EPC2: variants seen among roughly 807,000 people sequenced by gnomAD.
EPC2 encodes enhancer of polycomb homolog 2.
Under a neutral mutation model 92.1 loss-of-function variants are expected in EPC2, and 14 were observed. The ratio of observed to expected loss-of-function variants is 0.15; its 90% CI spans 0.10 to 0.24. EPC2 has a LOEUF of 0.24. EPC2 is among the 10% of genes least tolerant of loss of function. The pLI is 1.00. For missense variants in EPC2, 755 were observed against 971.5 expected, an observed-to-expected ratio of 0.78 and a Z score of 2.96; for synonymous variants, 340 against 334.7, an observed-to-expected ratio of 1.02 and a Z score of -0.17.
chr2:148,672,076 T>C (rs1681165525), intron 1 of EPC2, among the ~76,000 whole-genome samples: 1 of 152,180 alleles, frequency 6.6e-6, no homozygotes, highest in African/African-American at 2.4e-5. Context: ...AGCCATCTGG[T>C]CCTAGGCTTT....
chr2:148,653,570 A>G (rs1278583285), intron 1 of EPC2, among the ~76,000 whole-genome samples: 1 of 152,182 alleles, frequency 6.6e-6, no homozygotes, highest in Non-Finnish European at 1.5e-5. Flanking sequence ...CAGCAGTTTC[A>G]TTGTATCTGT....
chr2:148,762,376 C>T (rs955536580), intron 5 of EPC2, among the ~76,000 whole-genome samples: 21 of 151,920 alleles, frequency 1.4e-4, no homozygotes, highest in African/African-American at 4.6e-4. Flanking sequence ...TAAACAAAAA[C>T]AGAATTTTGT....
chr2:148,695,620 A>G (rs768855116), intron 2 of EPC2, among the ~76,000 whole-genome samples: 6 of 152,236 alleles, frequency 3.9e-5, no homozygotes, highest in Non-Finnish European at 8.8e-5. Context: ...GCAAAAAATG[A>G]TAATTGACCT....
chr2:148,768,872 A>G (rs563251159), intron 7 of EPC2, among the ~76,000 whole-genome samples: 182 of 152,338 alleles, frequency 1.2e-3, no homozygotes, highest in Non-Finnish European at 2.2e-3. Context: ...GATGTATAAA[A>G]ACTGTATTAA....
At chr2:148,699,856 G>C (rs536212337) in intron 2 of EPC2, among the ~76,000 whole-genome samples, 2 of 152,300 alleles carry the variant, frequency 1.3e-5, no homozygotes, top group East Asian at 3.9e-4. Context: ...GACAGTGAAT[G>C]AAAGTTTCTA....
intron 2 of EPC2, among the ~76,000 whole-genome samples, chr2:148,732,680 C>T (rs1469769631): frequency 1.3e-5 from 2 of 152,042 alleles, no homozygotes; most frequent in Non-Finnish European, 2.9e-5. Context: ...TGTGCCCGGC[C>T]ATTTTTGTCT....
At chr2:148,709,861 GACTTAAATGTTA>G (rs1405539954) in intron 2 of EPC2, among the ~76,000 whole-genome samples, 1 of 152,264 alleles carries the variant, frequency 6.6e-6, no homozygotes, top group East Asian at 1.9e-4. Flanking sequence ...ATGGATTAAA[GACTTAAATGTTA>G]GACCTAAAAC....
At chr2:148,675,185 G>A (rs1172273886) in intron 1 of EPC2, among the ~76,000 whole-genome samples, 4 of 151,970 alleles carry the variant, frequency 2.6e-5, no homozygotes, top group Non-Finnish European at 5.9e-5. Context: ...TCTAATAATT[G>A]TAGTCTTTAT....
chr2:148,703,586 T>C (rs543922283), intron 2 of EPC2, among the ~76,000 whole-genome samples: 1 of 152,258 alleles, frequency 6.6e-6, no homozygotes, highest in Non-Finnish European at 1.5e-5. Flanking sequence ...TGGAGTACAG[T>C]GGTGTGATCA....
chr2:148,690,463 T>C lies in EPC2; in HGVS notation c.313+90T>C, dbSNP rs1277323892. On this transcript the variant is annotated intron_variant, in intron 2 of 13. Transcript: ENST00000258484. ...CTTTTGTCTAAAGAAATTCTGATTT[T>C]TTAATTCATACACACTGATTAATAG... 3 of 1,235,526 alleles carry C rather than the reference T, an allele frequency of 2.4e-6. No individual in the cohort carries two copies. In the African/African-American group the frequency reaches 4.5e-5, roughly 19 times the overall value. The allele number at this position is 1,235,526 out of a possible 1,614,324, so 76.5% of individuals were successfully genotyped here. A position where few individuals can be genotyped will look rare whatever the true frequency, so the allele number is the denominator to read the frequency against.
intron 2 of EPC2, among the ~76,000 whole-genome samples, chr2:148,737,068 A>C (rs1324873224): frequency 6.6e-6 from 1 of 152,226 alleles, no homozygotes; most frequent in African/African-American, 2.4e-5. Context: ...ATTGCACTCC[A>C]GCCTGGGCAG....
intron 2 of EPC2, among the ~76,000 whole-genome samples, chr2:148,739,059 C>T (rs573979822): frequency 3.9e-5 from 6 of 152,112 alleles, no homozygotes; most frequent in Admixed American, 6.5e-5. Context: ...AGCTGTTGAC[C>T]GGATAGGTCC....
At chr2:148,739,313 TTGCA>T (rs1187820549) in intron 2 of EPC2, among the ~76,000 whole-genome samples, 2 of 150,336 alleles carry the variant, frequency 1.3e-5, no homozygotes, top group African/African-American at 5.0e-5. Flanking sequence ...CCACATTGAA[TTGCA>T]TGCTACTCAT....
At chr2:148,780,838 T>C (rs1282942154) in intron 10 of EPC2, among the ~76,000 whole-genome samples, 2 of 152,206 alleles carry the variant, frequency 1.3e-5, no homozygotes, top group East Asian at 3.8e-4. Context: ...GTCTTTGTGT[T>C]CTCTAAATCA....
At chr2:148,724,784 G>A (rs576869625) in intron 2 of EPC2, among the ~76,000 whole-genome samples, 1 of 152,088 alleles carries the variant, frequency 6.6e-6, no homozygotes, top group Admixed American at 6.6e-5. Context: ...AGCAGGAACT[G>A]TTGATAGAGA....
chr2:148,735,325 T>C (rs771694155), intron 2 of EPC2, among the ~76,000 whole-genome samples: 3 of 152,118 alleles, frequency 2.0e-5, no homozygotes, highest in Non-Finnish European at 4.4e-5. Context: ...TGTGAAACTT[T>C]ACAATTTTTG....
intron 1 of EPC2, among the ~76,000 whole-genome samples, chr2:148,666,436 A>C (rs1027982347): frequency 6.6e-6 from 1 of 152,208 alleles, no homozygotes; most frequent in Non-Finnish European, 1.5e-5. Context: ...GGGCCACTGC[A>C]CCAGGCCAGA....
At chr2:148,673,903 T>G (rs914663109) in intron 1 of EPC2, among the ~76,000 whole-genome samples, 1 of 152,226 alleles carries the variant, frequency 6.6e-6, no homozygotes, top group Admixed American at 6.5e-5. Context: ...TTTATTTACT[T>G]GTCTATCATT....
At chr2:148,710,986 CT>C (rs1045790936) in intron 2 of EPC2, among the ~76,000 whole-genome samples, 2 of 152,060 alleles carry the variant, frequency 1.3e-5, no homozygotes, top group Non-Finnish European at 2.9e-5. Context: ...TTCAGTCTCT[CT>C]TTTTGTTTTA....
Sources: gnomAD v4.1 joint callset for allele counts (sites outside exome capture counted in the v4.1 genomes callset) on GRCh38, gnomAD v4.1.1 for gene constraint, MANE v1.5 for transcripts, NCBI Gene and HGNC (gene_info 2026-07-23, HGNC 2026-07-21) for gene names.